Variants in PEAK1 observed in about 807,000 individuals in gnomAD.
The protein encoded by PEAK1 is pseudopodium enriched atypical kinase 1, also known as inactive tyrosine-protein kinase PEAK1.
A neutral mutation model predicts 124.7 loss-of-function variants in PEAK1; 54 were observed. The ratio of observed to expected loss-of-function variants is 0.43; its 90% CI spans 0.35 to 0.54. PEAK1 has a LOEUF of 0.54. Ranked by LOEUF, PEAK1 falls within the 20% of genes least tolerant of loss-of-function variation. The pLI is 0.01. For missense variants in PEAK1, 2,046 were observed against 2,134.5 expected (o/e 0.96, Z 0.82); for synonymous variants, 719 against 760.0 (o/e 0.95, Z 0.89).
chr15:77,205,680 C>T (rs893191945), intron 6 of PEAK1, among the ~76,000 whole-genome samples: 3 of 151,976 alleles, frequency 2.0e-5, no homozygotes, highest in African/African-American at 7.3e-5. Context: ...AGTGTATATG[C>T]TATTAAATTG....
At chr15:77,244,732 G>T (rs2060503973) in intron 6 of PEAK1, among the ~76,000 whole-genome samples, 4 of 151,966 alleles carry the variant, frequency 2.6e-5, no homozygotes, top group Non-Finnish European at 5.9e-5. Context: ...GGAACTAAAG[G>T]CATGCACCAC....
intron 1 of PEAK1, among the ~76,000 whole-genome samples, chr15:77,399,217 A>G (rs1471848923): frequency 6.6e-6 from 1 of 152,142 alleles, no homozygotes. Flanking sequence ...ATGGACTGGA[A>G]GAATCAATAT....
chr15:77,266,695 A>G (rs911918010), intron 5 of PEAK1, among the ~76,000 whole-genome samples: 10 of 152,164 alleles, frequency 6.6e-5, no homozygotes, highest in African/African-American at 2.4e-4. Flanking sequence ...ACAAGGGAGG[A>G]AAAATGGTAG....
In PEAK1 at chr15:77,225,267, T is replaced by A. The variant is rs144253465; in HGVS notation, c.-115+27100A>T. Among the ~76,000 whole-genome samples the A allele has an allele frequency of 6.7e-3, 1,019 of 152,090 alleles. 6 individuals are homozygous for A. The highest frequency in any genetic ancestry group is 0.012 in the Non-Finnish European group (781 of 67,912). ...CACACTACATTATTCCTGTTAAGAGTCTGGTGTGTAACTGTTATGTTGCAA... is the reference window on the plus strand; with the variant it reads ...CACACTACATTATTCCTGTTAAGAGACTGGTGTGTAACTGTTATGTTGCAA... On this transcript the variant is annotated intron_variant, in intron 6 of 9. Transcript: ENST00000682557.
chr15:77,355,613 G>T, intron 2 of PEAK1: 1 of 270,888 alleles, frequency 3.7e-6, no homozygotes, highest in Non-Finnish European at 5.7e-6. Context: ...AGGACCCTTT[G>T]CTGCAGCCAG....
intron 9 of PEAK1, among the ~76,000 whole-genome samples, chr15:77,123,758 G>C (rs2052128232): frequency 6.6e-6 from 1 of 152,208 alleles, no homozygotes. Context: ...GAACAGGGAA[G>C]TTAAGTTCAG....
Position 77,398,825 on chromosome 15 carries a change from T to C in PEAK1, c.-666+21181A>G, listed in dbSNP as rs181455939. The stretch of plus-strand genomic sequence containing the variant: ...AATTGGAAAGAAAGAAGTCAAATTA[T>C]CATTGTTTGTAGATGACATGATCTT... On this transcript the variant is annotated intron_variant, in intron 1 of 9. Transcript: ENST00000682557. Among the ~76,000 whole-genome samples, 327 of 152,286 alleles carry C rather than the reference T, an allele frequency of 2.1e-3. 1 individual carries two copies. Among genetic ancestry groups the C allele is most frequent in the Non-Finnish European group, 2.3e-3 (155 of 68,028 alleles).
chr15:77,241,759 T>C (rs1360009635), intron 6 of PEAK1, among the ~76,000 whole-genome samples: 1 of 151,598 alleles, frequency 6.6e-6, no homozygotes, highest in Non-Finnish European at 1.5e-5. Flanking sequence ...AATCCTTGGG[T>C]ATAAATCTAA....
intron 8 of PEAK1, among the ~76,000 whole-genome samples, chr15:77,146,529 T>G (rs1276221188): frequency 1.1e-4 from 17 of 152,226 alleles, no homozygotes; most frequent in African/African-American, 3.9e-4. Flanking sequence ...ATTTAAATAC[T>G]GCACTCTCTC....
intron 2 of PEAK1, among the ~76,000 whole-genome samples, chr15:77,295,666 C>T (rs937800914): frequency 6.6e-6 from 1 of 152,196 alleles, no homozygotes; most frequent in Non-Finnish European, 1.5e-5. Flanking sequence ...ACATAATGCA[C>T]CATCAACTGA....
At chr15:77,196,907 T>C (rs2058131548) in intron 6 of PEAK1, among the ~76,000 whole-genome samples, 1 of 152,142 alleles carries the variant, frequency 6.6e-6, no homozygotes, top group Non-Finnish European at 1.5e-5. Flanking sequence ...TGGAGTGCAA[T>C]GGTGCGATCA....
intron 1 of PEAK1, among the ~76,000 whole-genome samples, chr15:77,390,265 A>G (rs2070342645): frequency 6.6e-6 from 1 of 152,248 alleles, no homozygotes; most frequent in Admixed American, 6.5e-5. Flanking sequence ...CTGTATAAGT[A>G]AGAGCAGGAA....
In PEAK1 at chr15:77,179,573, T is replaced by G. The variant is rs761891943; in HGVS notation, c.2354A>C (p.Gln785Pro). 2 of 1,613,968 alleles carry G rather than the reference T, an allele frequency of 1.2e-6. No individual in the cohort carries two copies. Among genetic ancestry groups the G allele is most frequent in the Non-Finnish European group, 1.7e-6 (2 of 1,179,992 alleles). ...QPPQSPPETPQSGPKACSVEE... is the reference protein window; with the variant it reads ...QPPQSPPETPPSGPKACSVEE... The stretch of plus-strand genomic sequence containing the variant: ...CACACTGCAAGCTTTAGGGCCAGAT[T>G]GAGGTGTTTCTGGAGGAGACTGTGG... The change falls in exon 7 of 10, where the codon CAA becomes CCA. Residue 785 changes from glutamine (Q) to proline (P), a missense_variant. By Grantham distance (76) the Gln-to-Pro change is moderately conservative. Coordinates refer to ENST00000682557, the MANE Select transcript of PEAK1 (RefSeq NM_001385026.1).
At chr15:77,187,326 A>G (rs1282054641) in intron 6 of PEAK1, among the ~76,000 whole-genome samples, 2 of 152,224 alleles carry the variant, frequency 1.3e-5, no homozygotes, top group Admixed American at 6.5e-5. Flanking sequence ...CAGCTTTTTA[A>G]GAACCTATTA....
At chr15:77,397,808 C>G (rs1340510992) in intron 1 of PEAK1, among the ~76,000 whole-genome samples, 1 of 152,084 alleles carries the variant, frequency 6.6e-6, no homozygotes, top group African/African-American at 2.4e-5. Flanking sequence ...GCCTGTAATC[C>G]CAGCACCTTG....
chr15:77,419,846 G>T (rs2073235223), intron 1 of PEAK1, among the ~76,000 whole-genome samples, 160 bp downstream of exon 1: 1 of 148,606 alleles, frequency 6.7e-6, no homozygotes, highest in Non-Finnish European at 1.5e-5. Context: ...CAGAGCCCCG[G>T]CGGCGGCGCC....
chr15:77,229,326 A>G (rs2059806832), intron 6 of PEAK1, among the ~76,000 whole-genome samples: 1 of 152,234 alleles, frequency 6.6e-6, no homozygotes, highest in Non-Finnish European at 1.5e-5. Flanking sequence ...GATTTTCTGC[A>G]CTAGGTATGA....
chr15:77,250,231 ATG>A (rs1567166731), intron 6 of PEAK1, among the ~76,000 whole-genome samples: 1 of 110,956 alleles, frequency 9.0e-6, no homozygotes, highest in African/African-American at 3.3e-5. Context: ...ACACATATAT[ATG>A]TATATGTATA....
At chr15:77,130,755 A>T (rs187208268) in intron 9 of PEAK1, among the ~76,000 whole-genome samples, 1 of 152,364 alleles carries the variant, frequency 6.6e-6, no homozygotes, top group East Asian at 1.9e-4. Flanking sequence ...AACCTTTCAT[A>T]TGCATTATCT....
Sources: allele counts gnomAD v4.1 joint callset (sites outside exome capture counted in the v4.1 genomes callset), GRCh38; gene constraint gnomAD v4.1.1; transcripts MANE v1.5; gene names NCBI Gene and HGNC (gene_info 2026-07-23, HGNC 2026-07-21).